ZNF117: variants seen among roughly 807,000 people sequenced by gnomAD.
ZNF117 encodes the protein Krueppel-related zinc finger protein.
In ZNF117, 37 loss-of-function variants were observed where a neutral mutation model predicts 41.2. The ratio of observed to expected loss-of-function variants is 0.90; its 90% CI spans 0.69 to 1.18. The LOEUF is 1.18. ZNF117 is among the 50% of genes most tolerant of loss of function. ZNF117 has a pLI of 0.00. For synonymous variants in ZNF117, 186 were observed against 186.6 expected (o/e 1.00, Z 0.02); for missense variants, 546 against 557.5 (o/e 0.98, Z 0.21).
chr7:64,979,514 T>C, exon 3 of ZNF117: 1 of 1,502,010 alleles, frequency 6.7e-7, no homozygotes, highest in Middle Eastern at 1.8e-4. Context: ...GCCAAAGGTG[T>C]TGGGCAAAAT....
intron 1 of ZNF117, among the ~76,000 whole-genome samples, chr7:64,989,190 CAT>C (rs1297225238): frequency 7.4e-5 from 11 of 149,568 alleles, no homozygotes; most frequent in South Asian, 2.2e-4. Flanking sequence ...CACACACACA[CAT>C]ATATATAAAC....
At chr7:64,985,619 A>G (rs878962208), upstream of ZNF117, among the ~76,000 whole-genome samples, 4 of 152,318 alleles carry the variant, frequency 2.6e-5, no homozygotes, top group Admixed American at 2.0e-4. Context: ...AACAACAGAG[A>G]AAAAATATAC....
At chr7:64,989,395 T>C (rs1326739539) in intron 1 of ZNF117, among the ~76,000 whole-genome samples, 2 of 138,484 alleles carry the variant, frequency 1.4e-5, no homozygotes, top group Admixed American at 1.6e-4. Context: ...ACATGATATA[T>C]AAAAATCAAT....
At chr7:64,986,831 T>C (rs1010845949), upstream of ZNF117, among the ~76,000 whole-genome samples, 3 of 152,146 alleles carry the variant, frequency 2.0e-5, no homozygotes, top group East Asian at 3.9e-4. Context: ...TATATTTAGA[T>C]TCTGACAGAA....
chr7:64,986,103 A>G (rs1786129179), upstream of ZNF117, among the ~76,000 whole-genome samples: 1 of 152,044 alleles, frequency 6.6e-6, no homozygotes, highest in African/African-American at 2.4e-5. Flanking sequence ...TTTGCATGCC[A>G]TGTGCACTTG....
At chr7:64,979,197 G>A in exon 3 of ZNF117, 2 of 1,608,756 alleles carry the variant, frequency 1.2e-6, no homozygotes, top group South Asian at 1.1e-5. Flanking sequence ...TTTATGTTGA[G>A]TTAGGTGTGA....
At chr7:64,983,898 A>C (rs115775629), upstream of ZNF117, among the ~76,000 whole-genome samples, 130 of 151,858 alleles carry the variant, frequency 8.6e-4, 1 homozygote, top group African/African-American at 3.0e-3. Flanking sequence ...CATCTTTTAA[A>C]AACACAAGCT....
downstream of ZNF117, chr7:64,973,242 TTTA>T (rs1383904973): frequency 1.2e-4 from 19 of 152,142 alleles, no homozygotes; most frequent in African/African-American, 4.1e-4. Context: ...TTTTGCAACC[TTTA>T]AATTTCACAT....
chr7:64,972,796 T>C (rs1174423810), downstream of ZNF117: 1 of 152,074 alleles, frequency 6.6e-6, no homozygotes, highest in Non-Finnish European at 1.5e-5. Flanking sequence ...TGTCACATAC[T>C]CTGACCACAA....
chr7:64,981,254 A>T (rs1554397644), intron 2 of ZNF117, 133 bp downstream of exon 3: 21 of 1,160,870 alleles, frequency 1.8e-5, no homozygotes, highest in Admixed American at 2.3e-5. Context: ...TGAGAGAAAA[A>T]TAAAAAAAAA....
At chr7:64,973,783 TAAAAG>T (rs1785821007), downstream of ZNF117, 1 of 151,866 alleles carries the variant, frequency 6.6e-6, no homozygotes, top group African/African-American at 2.4e-5. Flanking sequence ...AATTAGGAAA[TAAAAG>T]AACCAAAATT....
At chr7:64,984,402 C>T (rs1383294600), upstream of ZNF117, among the ~76,000 whole-genome samples, 1 of 152,162 alleles carries the variant, frequency 6.6e-6, no homozygotes, top group Admixed American at 6.5e-5. Flanking sequence ...ACCACCATAA[C>T]TTTCCGATGA....
At chr7:64,975,971 C>T (rs1431036718) in exon 3 of ZNF117, 1 of 152,166 alleles carries the variant, frequency 6.6e-6, no homozygotes, top group African/African-American at 2.4e-5. Flanking sequence ...AAATATATTA[C>T]ATTTGCAGTT....
chr7:64,979,108 GT>G lies in ZNF117; in HGVS notation c.462del (p.Lys154AsnfsTer60). Reference sequence around the variant, plus strand: ...TTTTCTCCAGTATGAATTCTCTTATGTTTATTAAGGGTTGAGGACCAGTTAA... The same window carrying G: ...TTTTCTCCAGTATGAATTCTCTTATGTTATTAAGGGTTGAGGACCAGTTAA... On this transcript the variant is annotated frameshift_variant, in exon 3 of 3. Transcript: ENST00000620222. LOFTEE classifies it high-confidence loss of function. The G allele has an allele frequency of 1.9e-6, 3 of 1,612,768 alleles. No homozygotes were observed. The highest frequency in any genetic ancestry group is 2.5e-6 in the Non-Finnish European group (3 of 1,179,412).
At chr7:64,980,874 G>GA (rs1339598413) in intron 2 of ZNF117, 1 of 152,464 alleles carries the variant, frequency 6.6e-6, no homozygotes, top group Non-Finnish European at 1.5e-5. Context: ...GCCAAATCCT[G>GA]AAAAGGTATA....
At chr7:64,988,353 A>G (rs1786178946) in intron 1 of ZNF117, among the ~76,000 whole-genome samples, 1 of 152,190 alleles carries the variant, frequency 6.6e-6, no homozygotes, top group Admixed American at 6.5e-5. Flanking sequence ...AAGGATAAAA[A>G]CCACCAGATT....
upstream of ZNF117, among the ~76,000 whole-genome samples, chr7:64,985,240 T>C (rs987324983): frequency 1.3e-5 from 2 of 152,230 alleles, no homozygotes; most frequent in Non-Finnish European, 2.9e-5. Flanking sequence ...GTAATAAATA[T>C]AAACCAAAGC....
At chr7:64,974,383 A>C (rs575467249), downstream of ZNF117, 1 of 151,956 alleles carries the variant, frequency 6.6e-6, no homozygotes, top group African/African-American at 2.4e-5. Context: ...ATTCTGAATC[A>C]TAAGTCAGAA....
chr7:64,978,096 T>C (rs1383538094), exon 3 of ZNF117: 2 of 1,599,632 alleles, frequency 1.3e-6, no homozygotes, highest in African/African-American at 2.7e-5. Context: ...ATGAATTTTC[T>C]TGTGTTCAAT....
Sources: gnomAD v4.1 joint callset for allele counts (sites outside exome capture counted in the v4.1 genomes callset) on GRCh38, gnomAD v4.1.1 for gene constraint, MANE v1.5 for transcripts, NCBI Gene and HGNC (gene_info 2026-07-23, HGNC 2026-07-21) for gene names.